The following EYA2 variants were observed in gnomAD, a reference collection of about 807,000 sequenced individuals.
EYA2 encodes protein phosphatase EYA2.
Under a neutral mutation model 69.2 loss-of-function variants are expected in EYA2, and 31 were observed. The ratio of observed to expected loss-of-function variants is 0.45; its 90% CI spans 0.34 to 0.60. The LOEUF (loss-of-function observed/expected upper bound fraction) is 0.60, where lower values mean the gene tolerates loss of function less well. Ranked by LOEUF, EYA2 falls within the 20% of genes least tolerant of loss-of-function variation. The pLI is 0.02. For missense variants in EYA2, 622 were observed against 701.2 expected (o/e 0.89, Z 1.28); for synonymous variants, 257 against 279.4 (o/e 0.92, Z 0.80).
intron 9 of EYA2, among the ~76,000 whole-genome samples, chr20:47,099,911 C>T (rs1479128579): frequency 2.0e-5 from 3 of 152,060 alleles, no homozygotes; most frequent in East Asian, 3.9e-4. Flanking sequence ...CAACCACGCG[C>T]AGTACACAGG....
intron 5 of EYA2, among the ~76,000 whole-genome samples, chr20:47,045,818 A>T (rs1568743205): frequency 6.6e-6 from 1 of 152,214 alleles, no homozygotes; most frequent in Non-Finnish European, 1.5e-5. Context: ...ACAAAGATCA[A>T]AACTAACAAT....
rs767649620 is a variant in EYA2, at chr20:47,188,542, G to A, written c.*409G>A. 3.2e-5 allele frequency: 15 copies of A among 461,880 alleles called. No individual in the cohort carries two copies. The highest frequency in any genetic ancestry group is 1.5e-4 in the Admixed American group (4 of 27,476). The allele number at this position is 461,880 out of a possible 1,614,324, so 28.6% of individuals were successfully genotyped here. On this transcript the variant is annotated 3_prime_UTR_variant, in exon 16 of 16. Transcript: ENST00000327619. ...ACCTGTGTGGCTGGGTTTCTTAGTC[G>A]TTGGTTTGGTTTGGTTTTTTGAACT...
Position 47,097,188 on chromosome 20 carries a change from C to G in EYA2, c.888+20C>G. 6.4e-7 allele frequency: 1 copy of G among 1,570,696 alleles called. No individual in the cohort carries two copies. The highest frequency in any genetic ancestry group is 8.7e-7 in the Non-Finnish European group (1 of 1,147,880). On this transcript the variant is annotated intron_variant, in intron 9 of 15. Transcript: ENST00000327619. ...GGGAAGGTAAGAATCCATTTTGTCT[C>G]TCTCTCTCTTTTTTTGTTTTCAACG... is the stretch of plus-strand genomic sequence containing the variant.
chr20:47,038,235 C>T (rs1271502374), intron 5 of EYA2, among the ~76,000 whole-genome samples: 1 of 152,182 alleles, frequency 6.6e-6, no homozygotes, highest in Non-Finnish European at 1.5e-5. Context: ...CTCAGTGGCT[C>T]ATACCTGTAA....
intron 5 of EYA2, among the ~76,000 whole-genome samples, chr20:47,049,943 G>T (rs543701516): frequency 1.3e-5 from 2 of 148,246 alleles, no homozygotes; most frequent in African/African-American, 5.0e-5. Flanking sequence ...TTTGGCAGTT[G>T]TCCCTCAATA....
intron 1 of EYA2, among the ~76,000 whole-genome samples, chr20:46,957,224 C>A (rs551527799): frequency 3.8e-4 from 58 of 152,284 alleles, no homozygotes; most frequent in Non-Finnish European, 7.5e-4. Flanking sequence ...CTCTTTACCC[C>A]TGCGGGTTAC....
intron 5 of EYA2, 104 bp from the exon 6 acceptor site, chr20:47,072,081 C>A: frequency 9.5e-7 from 1 of 1,048,292 alleles, no homozygotes; most frequent in Admixed American, 1.7e-5. Flanking sequence ...CCAGCTGTCA[C>A]CCTTGAAGCC....
chr20:47,060,863 T>G (rs1051295682), intron 5 of EYA2, among the ~76,000 whole-genome samples: 1 of 151,550 alleles, frequency 6.6e-6, no homozygotes, highest in Non-Finnish European at 1.5e-5. Flanking sequence ...TTTTTTTTTT[T>G]TTTTTTTTGG....
intron 9 of EYA2, among the ~76,000 whole-genome samples, chr20:47,125,047 G>GTTTTTTTT (rs11478823): frequency 1.1e-5 from 1 of 88,396 alleles, no homozygotes; most frequent in Non-Finnish European, 2.3e-5. Context: ...TTTTGGTTAA[G>GTTTTTTTT]TTTTTTTTTT....
Position 47,188,425 on chromosome 20 carries a change from G to T in EYA2, c.*292G>T. On this transcript the variant is annotated 3_prime_UTR_variant, in exon 16 of 16. Transcript: ENST00000327619. The stretch of plus-strand genomic sequence containing the variant: ...AACAAAAGCAAGGAATTGCTGATTT[G>T]GGGGGTGCCTGGTGATGAGGAGGGG... The T allele has an allele frequency of 1.8e-6, 1 of 551,802 alleles. No individual in the cohort carries two copies. The highest frequency in any genetic ancestry group is 3.0e-5 in the Admixed American group (1 of 33,076). 34.2% of individuals were successfully genotyped at this position (551,802 alleles called of 1,614,324 possible). A position where few individuals can be genotyped will look rare whatever the true frequency, so the allele number is the denominator to read the frequency against.
intron 11 of EYA2, among the ~76,000 whole-genome samples, chr20:47,172,233 A>C (rs1459334141): frequency 6.6e-6 from 1 of 152,156 alleles, no homozygotes; most frequent in Non-Finnish European, 1.5e-5. Flanking sequence ...CAGGAGTTCA[A>C]GAACAGCCCA....
chr20:46,906,173 T>C (rs1324261293), intron 1 of EYA2, among the ~76,000 whole-genome samples: 1 of 152,228 alleles, frequency 6.6e-6, no homozygotes, highest in Non-Finnish European at 1.5e-5. Context: ...CAAAAATGAT[T>C]TAAAAACCAA....
intron 5 of EYA2, among the ~76,000 whole-genome samples, chr20:47,055,247 A>G (rs1455608065): frequency 6.6e-6 from 1 of 152,212 alleles, no homozygotes; most frequent in Non-Finnish European, 1.5e-5. Context: ...ATGGGACTGT[A>G]TCAGTGAAAA....
At chr20:47,163,543 AC>A (rs2034115566) in intron 10 of EYA2, among the ~76,000 whole-genome samples, 1 of 151,934 alleles carries the variant, frequency 6.6e-6, no homozygotes, top group Non-Finnish European at 1.5e-5. Flanking sequence ...TACTAAAAAT[AC>A]AAAATTAGCT....
chr20:46,913,781 T>C (rs1054739041), intron 1 of EYA2, among the ~76,000 whole-genome samples: 11 of 152,274 alleles, frequency 7.2e-5, no homozygotes, highest in Admixed American at 7.2e-4. Flanking sequence ...AGCTGCCCTT[T>C]GCTGAAATGG....
At chr20:47,159,767 A>G (rs2034026497) in intron 10 of EYA2, among the ~76,000 whole-genome samples, 1 of 152,016 alleles carries the variant, frequency 6.6e-6, no homozygotes, top group South Asian at 2.1e-4. Flanking sequence ...AGGTGGGCGG[A>G]TCACTTGTGG....
chr20:46,960,848 A>G (rs1979431980), intron 1 of EYA2, among the ~76,000 whole-genome samples: 1 of 152,102 alleles, frequency 6.6e-6, no homozygotes, highest in South Asian at 2.1e-4. Flanking sequence ...CTGCCATCCA[A>G]GCTGTGGGGC....
intron 10 of EYA2, among the ~76,000 whole-genome samples, chr20:47,146,884 A>G (rs1054054806): frequency 1.3e-5 from 2 of 152,210 alleles, no homozygotes; most frequent in African/African-American, 4.8e-5. Context: ...ACCCGTGCCC[A>G]CAAGGCATTG....
chr20:46,905,079 A>AT (rs1984288391), intron 1 of EYA2, among the ~76,000 whole-genome samples: 1 of 152,204 alleles, frequency 6.6e-6, no homozygotes, highest in African/African-American at 2.4e-5. Context: ...AGAGTTATAA[A>AT]TTAAAAAAAA....
Sources: allele counts gnomAD v4.1 joint callset (sites outside exome capture counted in the v4.1 genomes callset), GRCh38; gene constraint gnomAD v4.1.1; transcripts MANE v1.5; gene names NCBI Gene and HGNC (gene_info 2026-07-23, HGNC 2026-07-21).